The following SP4 variants were observed in gnomAD, a reference collection of about 807,000 sequenced individuals.
SP4 encodes Sp4 transcription factor, also known as transcription factor Sp4.
SP4 carries 19 observed loss-of-function variants against 72.8 expected under a neutral mutation model. The observed-to-expected ratio is 0.26, with a 90% CI of 0.18 to 0.38. The LOEUF is 0.38. Among genes scored for constraint, SP4 ranks in the 10% least tolerant of loss-of-function variants. SP4 has a pLI of 1.00. For synonymous variants in SP4, 395 were observed against 333.1 expected (o/e 1.19, Z -2.02); for missense variants, 1,008 against 926.3 (o/e 1.09, Z -1.14).
chr7:21,508,317 G>C (rs563208840), intron 5 of SP4, among the ~76,000 whole-genome samples: 1 of 152,264 alleles, frequency 6.6e-6, no homozygotes, highest in East Asian at 1.9e-4. Context: ...TTTTAATGGT[G>C]GTCTTGCAAG....
At chr7:21,460,399 G>C (rs1783920750) in intron 3 of SP4, among the ~76,000 whole-genome samples, 1 of 152,128 alleles carries the variant, frequency 6.6e-6, no homozygotes, top group African/African-American at 2.4e-5. Context: ...CCTCCCGGTG[G>C]GTTCGTGGTC....
At chr7:21,501,077 A>G (rs544373312) in intron 5 of SP4, among the ~76,000 whole-genome samples, 3 of 152,162 alleles carry the variant, frequency 2.0e-5, no homozygotes, top group Non-Finnish European at 4.4e-5. Flanking sequence ...CGAGTATTAC[A>G]GGGTTACAAT....
rs766848666 is a variant in SP4 at position 21,430,543 on chromosome 7, A to G, written c.1378A>G (p.Thr460Ala). Residue 460 changes from threonine to alanine, a missense_variant, in exon 3 of 6, where the codon ACT becomes GCT. Physicochemically the swap from Thr to Ala is moderately conservative, Grantham distance 58. This residue lies in a region of SP4 where 893 missense variants were observed against 743.3 expected (regional missense o/e 1.20). Coordinates refer to ENST00000222584, the MANE Select transcript of SP4 (RefSeq NM_003112.5). ...NPTQVLIRAP[T>A]LTPSGQISWQ... ...GACTCAGGTGCTTATCAGGGCTCCA[A>G]CTTTAACACCTTCAGGGCAAATCAG... is the stretch of plus-strand genomic sequence containing the variant. 3 of 1,614,128 alleles carry G rather than the reference A, an allele frequency of 1.9e-6. No individual in the cohort carries two copies. The African/African-American group carries it at 4.0e-5, about 22-fold the overall frequency.
At chr7:21,473,280 C>G (rs1311723771) in intron 3 of SP4, among the ~76,000 whole-genome samples, 1 of 151,830 alleles carries the variant, frequency 6.6e-6, no homozygotes, top group African/African-American at 2.4e-5. Context: ...AAAGAAGTAG[C>G]CTAAAAGATG....
At chr7:21,444,784 C>T (rs999171197) in intron 3 of SP4, among the ~76,000 whole-genome samples, 4 of 152,104 alleles carry the variant, frequency 2.6e-5, no homozygotes, top group African/African-American at 9.7e-5. Context: ...ATCATATAGC[C>T]AGTAAGTTAG....
At chr7:21,481,251 T>C (rs913422490) in intron 4 of SP4, among the ~76,000 whole-genome samples, 38 of 152,178 alleles carry the variant, frequency 2.5e-4, no homozygotes, top group Non-Finnish European at 4.1e-4. Flanking sequence ...TTGCCCCTCC[T>C]GGGGCCATAC....
chr7:21,490,475 A>G (rs1488714274), intron 5 of SP4, among the ~76,000 whole-genome samples: 1 of 152,202 alleles, frequency 6.6e-6, no homozygotes, highest in Non-Finnish European at 1.5e-5. Context: ...AATCTGAGGT[A>G]AATCAACATC....
At chr7:21,461,439 G>A (rs1783977439) in intron 3 of SP4, among the ~76,000 whole-genome samples, 2 of 152,202 alleles carry the variant, frequency 1.3e-5, no homozygotes, top group Admixed American at 6.5e-5. Flanking sequence ...GGCCAGTACT[G>A]CTGGGGGACC....
intron 3 of SP4, among the ~76,000 whole-genome samples, chr7:21,457,395 G>A (rs749569399): frequency 1.4e-4 from 22 of 151,960 alleles, no homozygotes; most frequent in African/African-American, 4.8e-4. Flanking sequence ...TATCATCTTC[G>A]CTTCCTCCAG....
At chr7:21,504,225 G>A (rs888373451) in intron 5 of SP4, among the ~76,000 whole-genome samples, 14 of 152,248 alleles carry the variant, frequency 9.2e-5, no homozygotes, top group Admixed American at 8.5e-4. Flanking sequence ...GAAGGAGGAG[G>A]CTTTCTAAAA....
At chr7:21,473,418 A>G (rs1784406527) in intron 3 of SP4, among the ~76,000 whole-genome samples, 1 of 152,234 alleles carries the variant, frequency 6.6e-6, no homozygotes, top group Non-Finnish European at 1.5e-5. Context: ...TTTATTAAGC[A>G]TATGCTATTG....
chr7:21,513,439 C>G lies in SP4; in HGVS notation c.*2170C>G, dbSNP rs1270260974. 1.3e-5 allele frequency: 2 copies of G among 152,544 alleles called. No individual in the cohort carries two copies. The highest frequency in any genetic ancestry group is 2.9e-5 in the Non-Finnish European group (2 of 68,000). 9.4% of individuals were successfully genotyped at this position (152,544 alleles called of 1,614,324 possible). A position where few individuals can be genotyped will look rare whatever the true frequency, so the allele number is the denominator to read the frequency against. ...AATGTACTCTTAACAACTGATGTAT[C>G]TGGCTTTAAAACATCAGAATTGGTT... On this transcript the variant is annotated 3_prime_UTR_variant, in exon 6 of 6. Transcript: ENST00000222584.
At chr7:21,434,478 C>G (rs1398158876) in intron 3 of SP4, among the ~76,000 whole-genome samples, 1 of 152,132 alleles carries the variant, frequency 6.6e-6, no homozygotes, top group African/African-American at 2.4e-5. Flanking sequence ...GTGCTTTGGT[C>G]TCAGCTGTAA....
chr7:21,429,261 C>CT, intron 2 of SP4, 28 bp from the exon 3 acceptor site: 1 of 1,301,982 alleles, frequency 7.7e-7, no homozygotes, highest in Non-Finnish European at 1.1e-6. Flanking sequence ...TCCCCCCCCC[C>CT]TCTCCTTTAC....
intron 5 of SP4, among the ~76,000 whole-genome samples, chr7:21,498,375 A>G (rs1781777980): frequency 6.6e-6 from 1 of 152,218 alleles, no homozygotes; most frequent in African/African-American, 2.4e-5. Flanking sequence ...TCCTGGGACC[A>G]ATCCTAGTGT....
chr7:21,485,356 A>G (rs1583434080), intron 5 of SP4, among the ~76,000 whole-genome samples: 1 of 152,000 alleles, frequency 6.6e-6, no homozygotes, highest in East Asian at 1.9e-4. Flanking sequence ...AAAGGTTTTC[A>G]AAACAATATA....
intron 3 of SP4, chr7:21,471,217 T>G (rs1035154773): frequency 2.1e-6 from 1 of 468,950 alleles, no homozygotes; most frequent in Non-Finnish European, 4.4e-6. Context: ...TAAGAAATAC[T>G]GACCTTATTG....
intron 3 of SP4, among the ~76,000 whole-genome samples, chr7:21,444,642 T>C (rs918404657): frequency 6.6e-6 from 1 of 152,228 alleles, no homozygotes; most frequent in Non-Finnish European, 1.5e-5. Flanking sequence ...TTGTCTCTTA[T>C]ATGCCACTGT....
At chr7:21,479,343 A>G (rs1469769889) in intron 4 of SP4, among the ~76,000 whole-genome samples, 1 of 151,312 alleles carries the variant, frequency 6.6e-6, no homozygotes, top group Non-Finnish European at 1.5e-5. Flanking sequence ...ATTTTTACGT[A>G]TGGTGTTAGG....
Sources: allele counts gnomAD v4.1 joint callset (sites outside exome capture counted in the v4.1 genomes callset), GRCh38; gene constraint gnomAD v4.1.1; regional missense constraint gnomAD v4.1.1; transcripts MANE v1.5; gene names NCBI Gene and HGNC (gene_info 2026-07-23, HGNC 2026-07-21).